The following GULP1 variants were observed in gnomAD, a reference collection of about 807,000 sequenced individuals.
The protein encoded by GULP1 is GULP PTB domain containing engulfment adaptor 1.
Under a neutral mutation model 40.9 loss-of-function variants are expected in GULP1, and 19 were observed. The ratio of observed to expected loss-of-function variants is 0.46; its 90% CI spans 0.32 to 0.68. GULP1 has a LOEUF of 0.68. GULP1 is among the 30% of genes least tolerant of loss of function. The pLI is 0.03. For synonymous variants in GULP1, 119 were observed against 117.6 expected (o/e 1.01, Z -0.08); for missense variants, 312 against 362.2 (o/e 0.86, Z 1.12).
chr2:188,557,591 G>A (rs911285841), intron 7 of GULP1, among the ~76,000 whole-genome samples: 1 of 152,188 alleles, frequency 6.6e-6, no homozygotes, highest in African/African-American at 2.4e-5. Flanking sequence ...CAGCCCTAAT[G>A]GCTACTCTCA....
chr2:188,423,003 C>T (rs2055666542), intron 2 of GULP1, among the ~76,000 whole-genome samples: 1 of 152,028 alleles, frequency 6.6e-6, no homozygotes, highest in Non-Finnish European at 1.5e-5. Flanking sequence ...TTGAGATTTC[C>T]ACTAATCTCT....
Position 188,541,711 on chromosome 2 carries a change from T to G in GULP1, c.399+393T>G, listed in dbSNP as rs537078804. 4.4e-4 allele frequency: 135 copies of G among 303,778 alleles called. 1 individual carries two copies. Among genetic ancestry groups the G allele is most frequent in the South Asian group, 2.9e-3 (35 of 12,056 alleles). The allele number at this position is 303,778 out of a possible 1,614,324, so 18.8% of individuals were successfully genotyped here. On this transcript the variant is annotated intron_variant, in intron 7 of 11. Coordinates refer to ENST00000409830, the MANE Select transcript of GULP1 (RefSeq NM_016315.4). ...TTTCCCCCACATGTGCAGAATATGA[T>G]GGATTTTATGAAAATAAATATTCTT...
intron 7 of GULP1, among the ~76,000 whole-genome samples, chr2:188,561,927 A>G (rs1287627813): frequency 6.6e-6 from 1 of 152,048 alleles, no homozygotes; most frequent in Non-Finnish European, 1.5e-5. Flanking sequence ...GCACCCAGTC[A>G]CATCCCATTC....
At chr2:188,360,731 G>A (rs1295519447) in intron 1 of GULP1, among the ~76,000 whole-genome samples, 1 of 152,010 alleles carries the variant, frequency 6.6e-6, no homozygotes, top group Non-Finnish European at 1.5e-5. Flanking sequence ...GCTGTTTTTG[G>A]AAAGATAGCA....
Position 188,550,617 on chromosome 2 carries a change from G to A in GULP1, c.399+9299G>A, listed in dbSNP as rs189847508. On this transcript the variant is annotated intron_variant, in intron 7 of 11. Transcript: ENST00000409830. ...ATTTTTACATCTTAATTAATTCTCC[G>A]TAAAAAGGGTTCATTGTCAAAAGAA... Among the ~76,000 whole-genome samples, 211 of 151,434 alleles carry A rather than the reference G, an allele frequency of 1.4e-3. 2 individuals are homozygous for A. The highest frequency in any genetic ancestry group is 4.9e-3 in the African/African-American group (204 of 41,412).
At chr2:188,570,189 G>T in intron 9 of GULP1, 69 bp downstream of exon 9, 1 of 697,876 alleles carries the variant, frequency 1.4e-6, no homozygotes, top group Non-Finnish European at 2.5e-6. Flanking sequence ...CACTAGTTCT[G>T]CAATATTTCA....
chr2:188,352,778 G>A (rs905357112), intron 1 of GULP1, among the ~76,000 whole-genome samples: 5 of 151,934 alleles, frequency 3.3e-5, no homozygotes, highest in African/African-American at 4.8e-5. Flanking sequence ...TCACTATTGA[G>A]GAACTGAAAT....
At chr2:188,386,591 A>G (rs2049787389) in intron 2 of GULP1, among the ~76,000 whole-genome samples, 1 of 151,966 alleles carries the variant, frequency 6.6e-6, no homozygotes, top group African/African-American at 2.4e-5. Flanking sequence ...TTATTCAGTC[A>G]ATATTCTTAT....
chr2:188,336,035 T>A (rs928542627), intron 1 of GULP1, among the ~76,000 whole-genome samples: 11 of 152,228 alleles, frequency 7.2e-5, no homozygotes, highest in African/African-American at 2.7e-4. Context: ...GAAATACCTA[T>A]GCATGTTGTG....
At chr2:188,452,022 T>G (rs1308083989) in intron 2 of GULP1, among the ~76,000 whole-genome samples, 1 of 152,168 alleles carries the variant, frequency 6.6e-6, no homozygotes, top group Non-Finnish European at 1.5e-5. Context: ...ATAACTGAGA[T>G]TTTTATAATT....
At chr2:188,376,853 A>G (rs1266022661) in intron 1 of GULP1, among the ~76,000 whole-genome samples, 1 of 152,178 alleles carries the variant, frequency 6.6e-6, no homozygotes, top group Non-Finnish European at 1.5e-5. Context: ...TTTTGACAGG[A>G]ATTTCACTTT....
At chr2:188,487,528 A>T (rs2061965065) in intron 4 of GULP1, among the ~76,000 whole-genome samples, 1 of 151,984 alleles carries the variant, frequency 6.6e-6, no homozygotes, top group Non-Finnish European at 1.5e-5. Flanking sequence ...GAGAGGAAAC[A>T]GTCATATGAA....
intron 1 of GULP1, among the ~76,000 whole-genome samples, chr2:188,352,288 A>T (rs1162530651): frequency 2.6e-5 from 4 of 152,148 alleles, no homozygotes; most frequent in Non-Finnish European, 5.9e-5. Flanking sequence ...TATAACAAAA[A>T]GGTTGAGTGA....
intron 4 of GULP1, among the ~76,000 whole-genome samples, chr2:188,510,698 G>T (rs2064426782): frequency 6.9e-6 from 1 of 145,292 alleles, no homozygotes; most frequent in African/African-American, 2.6e-5. Flanking sequence ...AATCCCACTT[G>T]TCTCATGTTA....
At chr2:188,580,276 G>A (rs1369171817) in intron 9 of GULP1, among the ~76,000 whole-genome samples, 8 of 152,318 alleles carry the variant, frequency 5.3e-5, no homozygotes, top group African/African-American at 1.2e-4. Flanking sequence ...GATCAAGGCC[G>A]GGCGCGGTGG....
chr2:188,568,833 A>C (rs1322853516), intron 7 of GULP1, among the ~76,000 whole-genome samples: 1 of 152,220 alleles, frequency 6.6e-6, no homozygotes, highest in African/African-American at 2.4e-5. Context: ...AAGGAAATAA[A>C]TAGCAAAGCA....
chr2:188,512,258 A>G (rs1401939618), intron 4 of GULP1, among the ~76,000 whole-genome samples: 1 of 152,102 alleles, frequency 6.6e-6, no homozygotes, highest in East Asian at 1.9e-4. Flanking sequence ...AAAGATATAT[A>G]CGCATTTTTA....
chr2:188,497,632 A>G (rs1176761987), intron 4 of GULP1, among the ~76,000 whole-genome samples: 1 of 151,966 alleles, frequency 6.6e-6, no homozygotes, highest in Non-Finnish European at 1.5e-5. Context: ...AAAGAGATGA[A>G]TATTTTACTA....
intron 4 of GULP1, among the ~76,000 whole-genome samples, chr2:188,495,153 C>G (rs1260522039): frequency 1.3e-5 from 2 of 152,078 alleles, no homozygotes; most frequent in African/African-American, 4.8e-5. Context: ...AACACTATGA[C>G]TAATACCTTA....
Sources: gnomAD v4.1 joint callset for allele counts (sites outside exome capture counted in the v4.1 genomes callset) on GRCh38, gnomAD v4.1.1 for gene constraint, MANE v1.5 for transcripts, NCBI Gene and HGNC (gene_info 2026-07-23, HGNC 2026-07-21) for gene names.